MARCHF8: variants seen among roughly 807,000 people sequenced by gnomAD.
The protein encoded by MARCHF8 is E3 ubiquitin-protein ligase MARCHF8.
MARCHF8 carries 40 observed loss-of-function variants against 51.6 expected under a neutral mutation model. The observed-to-expected ratio is 0.77, with a 90% confidence interval of 0.60 to 1.01. The LOEUF (loss-of-function observed/expected upper bound fraction) is 1.01. Among genes scored for constraint, MARCHF8 ranks in the 50% least tolerant of loss-of-function variants. The pLI is 0.00. For synonymous variants in MARCHF8, 263 were observed against 280.3 expected (o/e 0.94, Z 0.62); for missense variants, 685 against 708.6 (o/e 0.97, Z 0.38).
intron 1 of MARCHF8, among the ~76,000 whole-genome samples, chr10:45,585,625 A>C (rs2044610186): frequency 6.6e-6 from 1 of 152,208 alleles, no homozygotes; most frequent in Non-Finnish European, 1.5e-5. Context: ...GGAACATAAC[A>C]GAATGGGATC....
In MARCHF8 at chr10:45,464,264, T is replaced by C; in HGVS notation, c.217A>G (p.Thr73Ala). ...PVSSFSRTSI[T>A]PSSQDICSSS... ...CTGCAGATGTCCTGGCTGGATGGCGTGATAGAAGTGCGAGAGAAGGAGGAC... is the reference window on the plus strand; with the variant it reads ...CTGCAGATGTCCTGGCTGGATGGCGCGATAGAAGTGCGAGAGAAGGAGGAC... Residue 73 changes from threonine to alanine, a missense_variant, in exon 4 of 8, where the codon ACG becomes GCG. By Grantham distance (58) the Thr-to-Ala change is moderately conservative. Transcript: ENST00000453424. 1 of 1,614,114 alleles carries C rather than the reference T, an allele frequency of 6.2e-7. No individual in the cohort carries two copies. Among genetic ancestry groups the C allele is most frequent in the Non-Finnish European group, 8.5e-7 (1 of 1,180,022 alleles).
intron 2 of MARCHF8, among the ~76,000 whole-genome samples, chr10:45,526,691 A>G (rs1318927274): frequency 2.0e-5 from 3 of 152,040 alleles, no homozygotes; most frequent in Admixed American, 1.3e-4. Flanking sequence ...CCCCACTGAC[A>G]GCACTAGACA....
intron 1 of MARCHF8, among the ~76,000 whole-genome samples, chr10:45,578,310 C>T (rs2044512702): frequency 6.6e-6 from 1 of 152,110 alleles, no homozygotes; most frequent in South Asian, 2.1e-4. Flanking sequence ...ATTCTGGAGA[C>T]ATATGAAAAC....
intron 3 of MARCHF8, among the ~76,000 whole-genome samples, chr10:45,467,398 G>C (rs145647575): frequency 6.6e-6 from 1 of 152,282 alleles, no homozygotes; most frequent in Non-Finnish European, 1.5e-5. Flanking sequence ...TCCCAGAAGA[G>C]GCTCCTTCTG....
At chr10:45,512,458 G>A (rs1475100043) in intron 2 of MARCHF8, among the ~76,000 whole-genome samples, 4 of 149,422 alleles carry the variant, frequency 2.7e-5, no homozygotes, top group South Asian at 2.1e-4. Flanking sequence ...ACCTCTGCCC[G>A]GCCGCCCCTA....
At chr10:45,472,152 C>T (rs2042703114) in intron 3 of MARCHF8, among the ~76,000 whole-genome samples, 1 of 152,154 alleles carries the variant, frequency 6.6e-6, no homozygotes, top group Admixed American at 6.5e-5. Context: ...TTTCCCACCC[C>T]TCCTCCTCCT....
At chr10:45,503,580 TAA>T (rs2043323573) in intron 2 of MARCHF8, among the ~76,000 whole-genome samples, 1 of 145,260 alleles carries the variant, frequency 6.9e-6, no homozygotes, top group Non-Finnish European at 1.5e-5. Context: ...AAATAAAAAC[TAA>T]AAATAAATAA....
At chr10:45,546,138 T>TA (rs1554818044) in intron 1 of MARCHF8, among the ~76,000 whole-genome samples, 1 of 147,688 alleles carries the variant, frequency 6.8e-6, no homozygotes, top group Non-Finnish European at 1.5e-5. Flanking sequence ...TGAGCTGAAT[T>TA]TTTATTTATT....
At chr10:45,576,910 T>C (rs2044496084) in intron 1 of MARCHF8, among the ~76,000 whole-genome samples, 1 of 150,592 alleles carries the variant, frequency 6.6e-6, no homozygotes, top group Non-Finnish European at 1.5e-5. Flanking sequence ...TGAGCTACAA[T>C]TGCACCACTG....
At chr10:45,486,867 T>C (rs570356921) in intron 3 of MARCHF8, among the ~76,000 whole-genome samples, 1 of 145,330 alleles carries the variant, frequency 6.9e-6, no homozygotes, top group African/African-American at 2.6e-5. Context: ...TGGAGTGCAA[T>C]GGTGTGATCT....
At chr10:45,459,830 A>G (rs1842729803) in intron 6 of MARCHF8, 2 of 985,314 alleles carry the variant, frequency 2.0e-6, no homozygotes, top group Non-Finnish European at 2.4e-6. Context: ...CATCTCCTCT[A>G]GGAGCTCATT....
intron 2 of MARCHF8, among the ~76,000 whole-genome samples, chr10:45,499,360 G>C (rs1230829048): frequency 6.6e-6 from 1 of 152,078 alleles, no homozygotes; most frequent in Non-Finnish European, 1.5e-5. Context: ...TATATGATTT[G>C]TAAATATCTC....
At chr10:45,584,027 A>G (rs2044585970) in intron 1 of MARCHF8, among the ~76,000 whole-genome samples, 1 of 145,172 alleles carries the variant, frequency 6.9e-6, no homozygotes, top group Non-Finnish European at 1.5e-5. Flanking sequence ...AAAAAAAAAA[A>G]GGAGGAAAGG....
chr10:45,567,584 T>C (rs1440696124), intron 1 of MARCHF8, among the ~76,000 whole-genome samples: 2 of 152,330 alleles, frequency 1.3e-5, no homozygotes, highest in African/African-American at 2.4e-5. Flanking sequence ...ATGAGCTCAC[T>C]GTACGTGTGT....
chr10:45,535,059 T>C (rs1213925056), intron 1 of MARCHF8, among the ~76,000 whole-genome samples, 152 bp downstream of exon 1: 1 of 152,092 alleles, frequency 6.6e-6, no homozygotes, highest in Non-Finnish European at 1.5e-5. Context: ...AAAAGGAAAA[T>C]AGAATAGGGG....
upstream of MARCHF8, among the ~76,000 whole-genome samples, chr10:45,536,963 C>T (rs1049757604): frequency 6.6e-6 from 1 of 151,806 alleles, no homozygotes; most frequent in East Asian, 1.9e-4. Context: ...TTAGATATTA[C>T]TTTAATTATG....
chr10:45,567,760 A>C (rs2044381402), intron 1 of MARCHF8, among the ~76,000 whole-genome samples: 1 of 152,160 alleles, frequency 6.6e-6, no homozygotes, highest in South Asian at 2.1e-4. Flanking sequence ...GGCTTTGGCT[A>C]TTCTGGGTCT....
At chr10:45,492,959 T>C (rs1033437144) in intron 2 of MARCHF8, among the ~76,000 whole-genome samples, 4 of 152,238 alleles carry the variant, frequency 2.6e-5, no homozygotes, top group African/African-American at 7.2e-5. Flanking sequence ...AGCACTTACT[T>C]TGAGTGTCAT....
chr10:45,503,970 G>A (rs1285138147), intron 2 of MARCHF8, among the ~76,000 whole-genome samples: 1 of 152,158 alleles, frequency 6.6e-6, no homozygotes, highest in African/African-American at 2.4e-5. Flanking sequence ...AGGATTGTGG[G>A]GATGGGAGAA....
Sources: gnomAD v4.1 joint callset for allele counts (sites outside exome capture counted in the v4.1 genomes callset) on GRCh38, gnomAD v4.1.1 for gene constraint, MANE v1.5 for transcripts, NCBI Gene and HGNC (gene_info 2026-07-23, HGNC 2026-07-21) for gene names.